RIPOR2: variants seen among roughly 807,000 people sequenced by gnomAD.
The protein encoded by RIPOR2 is RHO family interacting cell polarization regulator 2.
A neutral mutation model predicts 114.5 loss-of-function variants in RIPOR2; 39 were observed. That is an observed-to-expected ratio of 0.34 (90% CI 0.26 to 0.44). The LOEUF is 0.44. Among genes scored for constraint, RIPOR2 ranks in the 20% least tolerant of loss-of-function variants. The pLI is 1.00. For missense variants in RIPOR2, 1,007 were observed against 1,255.1 expected, an observed-to-expected ratio of 0.80 and a Z score of 2.99; for synonymous variants, 445 against 484.4, an observed-to-expected ratio of 0.92 and a Z score of 1.07.
intron 1 of RIPOR2, among the ~76,000 whole-genome samples, chr6:24,945,388 G>T (rs7770977): frequency 1.3e-5 from 2 of 152,068 alleles, no homozygotes; most frequent in Admixed American, 6.5e-5. Context: ...TGACATAAAA[G>T]ACACTGGACA....
At chr6:24,954,667 C>T (rs948264955) in intron 1 of RIPOR2, among the ~76,000 whole-genome samples, 5 of 151,882 alleles carry the variant, frequency 3.3e-5, no homozygotes, top group African/African-American at 9.7e-5. Flanking sequence ...AGGCTGGTCT[C>T]GAACTCCTGA....
chr6:24,899,150 G>T (rs558590621), intron 1 of RIPOR2, among the ~76,000 whole-genome samples: 68 of 152,040 alleles, frequency 4.5e-4, no homozygotes, highest in Middle Eastern at 3.4e-3. Context: ...GATCATGAAG[G>T]TTCAGGGACA....
intron 1 of RIPOR2, among the ~76,000 whole-genome samples, chr6:24,991,726 C>A (rs1214857309): frequency 2.0e-5 from 3 of 152,152 alleles, no homozygotes; most frequent in Non-Finnish European, 4.4e-5. Flanking sequence ...CTGTATCTCC[C>A]AGACCCATAT....
At chr6:24,963,061 G>A in intron 1 of RIPOR2, among the ~76,000 whole-genome samples, 1 of 152,148 alleles carries the variant, frequency 6.6e-6, no homozygotes, top group East Asian at 1.9e-4. Context: ...TTTTGAGACA[G>A]AGTTTCGCTA....
intron 15 of RIPOR2, among the ~76,000 whole-genome samples, chr6:24,832,632 T>A (rs1043049039): frequency 6.6e-6 from 1 of 152,222 alleles, no homozygotes; most frequent in African/African-American, 2.4e-5. Context: ...CAGTAGTAGG[T>A]CTACAAGGTT....
intron 17 of RIPOR2, among the ~76,000 whole-genome samples, chr6:24,830,150 G>C (rs1328599729): frequency 6.6e-6 from 1 of 152,076 alleles, no homozygotes; most frequent in African/African-American, 2.4e-5. Context: ...ATTTTTAGTA[G>C]AGATGGAGTT....
At chr6:24,835,651 CT>C in intron 15 of RIPOR2, 51 bp downstream of exon 15, 1 of 1,507,632 alleles carries the variant, frequency 6.6e-7, no homozygotes, top group Non-Finnish European at 9.0e-7. Flanking sequence ...AGCACACTTC[CT>C]GGTATGTAAA....
chr6:24,915,354 CTT>C lies in RIPOR2; in HGVS notation c.61+20482_61+20483del, dbSNP rs571125440. On this transcript the variant is annotated intron_variant, in intron 1 of 21. Transcript: ENST00000643898. ...ACCAATCTTTCTCCCTCTGTCTGTA[CTT>C]TTTTTTTTTTTTTTTTGAGATGGAG... is the stretch of plus-strand genomic sequence containing the variant. Among the ~76,000 whole-genome samples, 1,300 of 132,838 alleles carry C rather than the reference CTT, an allele frequency of 9.8e-3. 10 individuals carry two copies. The highest frequency in any genetic ancestry group is 0.034 in the African/African-American group (1,159 of 33,780). The allele number at this position is 132,838 out of a possible 152,430, so 87.1% of individuals were successfully genotyped here. A position where few individuals can be genotyped will look rare whatever the true frequency, so the allele number is the denominator to read the frequency against.
At position 24,858,615 on chromosome 6, in the gene RIPOR2, T is replaced by C. The variant is rs1763730303; in HGVS notation, c.715+2358A>G. 6.6e-6 allele frequency among the ~76,000 whole-genome samples: 1 copy of C among 152,018 alleles called. No homozygotes were observed. The highest frequency in any genetic ancestry group is 1.5e-5 in the Non-Finnish European group (1 of 68,000). On this transcript the variant is annotated intron_variant, in intron 8 of 21. Transcript: ENST00000643898. The surrounding 1 kb of genome is among the most constrained non-coding windows in gnomAD (Gnocchi z 4.0). ...CAGATGTAGTTTCTGAGTTTGCCTGTTAGATGAGGAAAGTGGAGGAGACAG... is the reference window on the plus strand; with the variant it reads ...CAGATGTAGTTTCTGAGTTTGCCTGCTAGATGAGGAAAGTGGAGGAGACAG...
chr6:24,835,922 C>G, intron 14 of RIPOR2, 51 bp from the exon 15 acceptor site: 2 of 1,529,750 alleles, frequency 1.3e-6, no homozygotes, highest in Non-Finnish European at 1.8e-6. Flanking sequence ...GCACAAACCA[C>G]AGGTCAAGTC....
chr6:24,933,578 T>C (rs1771552903), intron 1 of RIPOR2, among the ~76,000 whole-genome samples: 1 of 152,222 alleles, frequency 6.6e-6, no homozygotes, highest in Admixed American at 6.5e-5. Context: ...TTCTCTTTAA[T>C]CTTTAGGGAT....
At chr6:24,862,920 G>C (rs575290436) in intron 7 of RIPOR2, among the ~76,000 whole-genome samples, 57 of 151,976 alleles carry the variant, frequency 3.8e-4, no homozygotes, top group Non-Finnish European at 6.9e-4. Context: ...TAACATGCTG[G>C]CTTTTGTGGT....
At chr6:24,959,541 T>C (rs1053292241) in intron 1 of RIPOR2, among the ~76,000 whole-genome samples, 3 of 152,144 alleles carry the variant, frequency 2.0e-5, no homozygotes, top group Non-Finnish European at 4.4e-5. Flanking sequence ...TGAAACCCAA[T>C]GGGTAAAGAC....
intron 17 of RIPOR2, among the ~76,000 whole-genome samples, chr6:24,829,345 T>C (rs945594622): frequency 6.6e-6 from 1 of 151,732 alleles, no homozygotes; most frequent in African/African-American, 2.4e-5. Flanking sequence ...TAAAAAAAAT[T>C]GCTGGCCCAG....
At chr6:24,865,135 C>T (rs909936254) in intron 7 of RIPOR2, among the ~76,000 whole-genome samples, 166 bp downstream of exon 7, 9 of 152,204 alleles carry the variant, frequency 5.9e-5, no homozygotes, top group African/African-American at 2.2e-4. Context: ...TTAAGCAATT[C>T]TACCGATTGC....
chr6:24,869,617 C>T (rs1489412110), intron 5 of RIPOR2, among the ~76,000 whole-genome samples: 2 of 151,928 alleles, frequency 1.3e-5, no homozygotes, highest in African/African-American at 4.8e-5. Flanking sequence ...CATGCCCGGC[C>T]CTGGAAATTT....
intron 20 of RIPOR2, among the ~76,000 whole-genome samples, chr6:24,811,432 T>C (rs6912790): frequency 0.74 from 112,118 of 150,574 alleles, 43,895 homozygotes; most frequent in East Asian, 0.89. Flanking sequence ...AGACGGGGTT[T>C]CATCATGTTG....
intron 11 of RIPOR2, among the ~76,000 whole-genome samples, chr6:24,848,556 C>T (rs913455141): frequency 6.6e-6 from 1 of 152,184 alleles, no homozygotes; most frequent in African/African-American, 2.4e-5. Flanking sequence ...GACTATTGTT[C>T]CATTCTAAAG....
intron 1 of RIPOR2, among the ~76,000 whole-genome samples, chr6:24,982,454 T>C (rs556793995): frequency 6.6e-6 from 1 of 152,356 alleles, no homozygotes; most frequent in South Asian, 2.1e-4. Context: ...ACTATTGCCC[T>C]AGTAAGATTC....
Sources: gnomAD v4.1 joint callset for allele counts (sites outside exome capture counted in the v4.1 genomes callset) on GRCh38, gnomAD v4.1.1 for gene constraint, Gnocchi (gnomAD v3.1) non-coding constraint, MANE v1.5 for transcripts, NCBI Gene and HGNC (gene_info 2026-07-23, HGNC 2026-07-21) for gene names.